SDCCAG8: variants seen among roughly 807,000 people sequenced by gnomAD.
The protein encoded by SDCCAG8 is serologically defined colon cancer antigen 8.
A neutral mutation model predicts 101.8 loss-of-function variants in SDCCAG8; 74 were observed. That is an observed-to-expected ratio of 0.73 (90% CI 0.60 to 0.88). The LOEUF (loss-of-function observed/expected upper bound fraction) is 0.88, where lower values mean the gene tolerates loss of function less well. Ranked by LOEUF, SDCCAG8 falls within the 40% of genes least tolerant of loss-of-function variation. The pLI is 0.00. For synonymous variants in SDCCAG8, 281 were observed against 292.9 expected, an observed-to-expected ratio of 0.96 and a Z score of 0.41; for missense variants, 787 against 822.6, an observed-to-expected ratio of 0.96 and a Z score of 0.53.
chr1:243,461,789 G>A (rs951131170), intron 16 of SDCCAG8, among the ~76,000 whole-genome samples: 6 of 152,106 alleles, frequency 3.9e-5, no homozygotes, highest in African/African-American at 1.4e-4. Flanking sequence ...AGCGTCAAGG[G>A]AGGTGTTTTC....
At chr1:243,261,011 G>T (rs2067155121) in intron 1 of SDCCAG8, among the ~76,000 whole-genome samples, 1 of 152,176 alleles carries the variant, frequency 6.6e-6, no homozygotes, top group South Asian at 2.1e-4. Flanking sequence ...GTTTGGACTG[G>T]ATGTGAGAAT....
Position 243,359,606 on chromosome 1 carries a change from G to A in SDCCAG8, c.1473+15275G>A, listed in dbSNP as rs1279763628. On this transcript the variant is annotated intron_variant, in intron 12 of 17. Coordinates refer to ENST00000366541, the MANE Select transcript of SDCCAG8 (RefSeq NM_006642.5). ...CAAGCGGGTGCAACAGATGAGGAAG[G>A]AAAGACAGAGCCCCACAAAACTGAA... is the stretch of plus-strand genomic sequence containing the variant. Among the ~76,000 whole-genome samples the A allele has an allele frequency of 2.0e-5, 3 of 152,294 alleles. No homozygotes were observed. In the East Asian group the frequency reaches 5.8e-4, roughly 29 times the overall value.
intron 13 of SDCCAG8, among the ~76,000 whole-genome samples, chr1:243,410,956 C>T (rs1012845594): frequency 6.6e-6 from 1 of 152,056 alleles, no homozygotes; most frequent in African/African-American, 2.4e-5. Context: ...TGAGGCCTAG[C>T]CAGTACTTGT....
chr1:243,304,830 A>G, intron 7 of SDCCAG8, 53 bp downstream of exon 7: 2 of 1,026,598 alleles, frequency 1.9e-6, no homozygotes, highest in Non-Finnish European at 3.1e-6. Flanking sequence ...TGATCTTAAA[A>G]TATATTTGAA....
At chr1:243,307,537 T>C in intron 7 of SDCCAG8, 1 of 983,720 alleles carries the variant, frequency 1.0e-6, no homozygotes. Flanking sequence ...TTTAAGACAC[T>C]CTAAAAATTT....
At chr1:243,385,210 C>T (rs746104475) in intron 13 of SDCCAG8, among the ~76,000 whole-genome samples, 1 of 151,716 alleles carries the variant, frequency 6.6e-6, no homozygotes, top group Non-Finnish European at 1.5e-5. Flanking sequence ...GGCAACGTGG[C>T]GAAACCCCAT....
chr1:243,341,090 G>A lies in SDCCAG8; in HGVS notation c.1273G>A (p.Val425Ile), dbSNP rs370072966. 131 of 1,613,918 alleles carry A rather than the reference G, an allele frequency of 8.1e-5. No individual in the cohort carries two copies. The highest frequency in any genetic ancestry group is 1.1e-4 in the Non-Finnish European group (127 of 1,179,930). The change falls in exon 11 of 18, where the codon GTT becomes ATT. Residue 425 changes from valine (V) to isoleucine (I), a missense_variant. Physicochemically the swap from Val to Ile is conservative, Grantham distance 29. Transcript: ENST00000366541. ...IAQLEAQVEKVTKEKISAINQ... is the reference protein window; with the variant it reads ...IAQLEAQVEKITKEKISAINQ... ...CCAACTGGAGGCCCAGGTGGAAAAG[G>A]TTACAAAGGAAAAGATTTCAGCTAT...
chr1:243,435,971 G>C lies in SDCCAG8; in HGVS notation c.1985+9413G>C, dbSNP rs6700869. 4.0e-3 allele frequency among the ~76,000 whole-genome samples: 601 copies of C among 152,092 alleles called. 7 individuals carry two copies. Among genetic ancestry groups the C allele is most frequent in the African/African-American group, 0.014 (561 of 41,480 alleles). ...ATACCCCATACATGCATAGCCTCCC[G>C]CATTATCAGTATCCACCACCAGAGT... On this transcript the variant is annotated intron_variant, in intron 16 of 17. Coordinates refer to ENST00000366541, the MANE Select transcript of SDCCAG8 (RefSeq NM_006642.5).
intron 12 of SDCCAG8, among the ~76,000 whole-genome samples, chr1:243,361,823 C>G (rs1451429982): frequency 1.3e-5 from 2 of 152,240 alleles, no homozygotes; most frequent in Non-Finnish European, 2.9e-5. Context: ...CTTCATGGAG[C>G]TTATTATAAG....
intron 6 of SDCCAG8, among the ~76,000 whole-genome samples, chr1:243,296,829 G>A (rs1437811639): frequency 1.3e-5 from 2 of 151,732 alleles, no homozygotes; most frequent in Non-Finnish European, 1.5e-5. Flanking sequence ...CACCGCGCCC[G>A]GCCCCAACTG....
intron 13 of SDCCAG8, among the ~76,000 whole-genome samples, chr1:243,391,985 G>T (rs759678456): frequency 6.6e-6 from 1 of 152,136 alleles, no homozygotes; most frequent in Admixed American, 6.5e-5. Context: ...GGCTCACCAG[G>T]CTGGACGTTG....
At chr1:243,302,732 G>A (rs577557859) in intron 6 of SDCCAG8, among the ~76,000 whole-genome samples, 4 of 152,166 alleles carry the variant, frequency 2.6e-5, no homozygotes, top group African/African-American at 7.2e-5. Context: ...TGGTCTCCTT[G>A]CCTGCAAACA....
chr1:243,352,019 A>T (rs1406106424), intron 12 of SDCCAG8, among the ~76,000 whole-genome samples: 2 of 152,322 alleles, frequency 1.3e-5, no homozygotes, highest in East Asian at 3.9e-4. Flanking sequence ...CAGGGTATGT[A>T]TACCTCATTC....
chr1:243,491,324 C>T (rs892210554), intron 17 of SDCCAG8, among the ~76,000 whole-genome samples: 1 of 152,204 alleles, frequency 6.6e-6, no homozygotes, highest in African/African-American at 2.4e-5. Context: ...GTCTTTCTTT[C>T]TTCTTTTGCC....
chr1:243,313,197 C>A (rs767087980), intron 8 of SDCCAG8, among the ~76,000 whole-genome samples: 3 of 152,158 alleles, frequency 2.0e-5, no homozygotes, highest in African/African-American at 7.2e-5. Context: ...AAATGAGGAA[C>A]AAAGAAATGT....
At chr1:243,310,226 A>G (rs2072588714) in intron 8 of SDCCAG8, among the ~76,000 whole-genome samples, 1 of 152,008 alleles carries the variant, frequency 6.6e-6, no homozygotes, top group Middle Eastern at 3.4e-3. Flanking sequence ...TAAGTATTCA[A>G]TATGTTGTTA....
intron 16 of SDCCAG8, among the ~76,000 whole-genome samples, chr1:243,433,356 GAA>G (rs914707825): frequency 2.0e-4 from 13 of 64,972 alleles, no homozygotes; most frequent in African/African-American, 4.3e-4. Flanking sequence ...CGTCTCAAAA[GAA>G]AAAAAAAAAA....
intron 16 of SDCCAG8, among the ~76,000 whole-genome samples, chr1:243,473,720 G>A (rs1661695009): frequency 6.6e-6 from 1 of 152,134 alleles, no homozygotes. Flanking sequence ...AGAGTGAGCA[G>A]AGACAAAGAA....
chr1:243,269,580 T>C lies in SDCCAG8; in HGVS notation c.68-525T>C, dbSNP rs1189512105. Among the ~76,000 whole-genome samples, 3 of 152,016 alleles carry C rather than the reference T, an allele frequency of 2.0e-5. No homozygotes were observed. In the South Asian group the frequency reaches 6.2e-4, roughly 32 times the overall value. On this transcript the variant is annotated intron_variant, in intron 1 of 17. Transcript: ENST00000366541. ...ATAAGCACTTCAGCTATGCAAATTT[T>C]GATCAAAACTAGGCCAGACATGTGG...
Sources: allele counts gnomAD v4.1 joint callset (sites outside exome capture counted in the v4.1 genomes callset), GRCh38; gene constraint gnomAD v4.1.1; transcripts MANE v1.5; gene names NCBI Gene and HGNC (gene_info 2026-07-23, HGNC 2026-07-21).